Variants in ANKRD28 observed in about 807,000 individuals in gnomAD.
The protein encoded by ANKRD28 is ankyrin repeat domain 28.
Under a neutral mutation model 126.5 loss-of-function variants are expected in ANKRD28, and 44 were observed. That is an observed-to-expected ratio of 0.35 (90% CI 0.27 to 0.45). The LOEUF (loss-of-function observed/expected upper bound fraction) is 0.45. Among genes scored for constraint, ANKRD28 ranks in the 20% least tolerant of loss-of-function variants. The pLI, the probability that ANKRD28 is intolerant of heterozygous loss-of-function variation, is 1.00. For missense variants in ANKRD28, 1,110 were observed against 1,316.6 expected, an observed-to-expected ratio of 0.84 and a Z score of 2.43; for synonymous variants, 442 against 468.5, an observed-to-expected ratio of 0.94 and a Z score of 0.73.
chr3:15,712,113 A>G (rs1409137189), intron 11 of ANKRD28, 27 bp downstream of exon 11: 35 of 1,547,866 alleles, frequency 2.3e-5, no homozygotes, highest in Non-Finnish European at 3.1e-5. Context: ...GAGGAGACAT[A>G]CAAAAGGCTG....
At chr3:15,827,176 A>T (rs1362085021) in intron 1 of ANKRD28, among the ~76,000 whole-genome samples, 1 of 152,160 alleles carries the variant, frequency 6.6e-6, no homozygotes, top group Non-Finnish European at 1.5e-5. Context: ...GAGGAATGTA[A>T]ATTAGTACAG....
upstream of ANKRD28, among the ~76,000 whole-genome samples, chr3:15,802,555 C>G (rs1005265339): frequency 7.9e-5 from 12 of 152,256 alleles, no homozygotes; most frequent in Non-Finnish European, 1.5e-4. Context: ...TACAATGTGG[C>G]TACTTAAATC....
At chr3:15,688,757 GT>G (rs2068441589) in intron 18 of ANKRD28, among the ~76,000 whole-genome samples, 1 of 152,188 alleles carries the variant, frequency 6.6e-6, no homozygotes, top group East Asian at 1.9e-4. Context: ...TACGCAGTGG[GT>G]AGCAAGTCAT....
intron 26 of ANKRD28, 27 bp from the exon 27 acceptor site, chr3:15,676,016 C>T (rs750816673): frequency 6.3e-7 from 1 of 1,582,088 alleles, no homozygotes; most frequent in Non-Finnish European, 8.6e-7. Flanking sequence ...GATACATGTA[C>T]ACATATGTGC....
At chr3:15,690,532 C>G (rs1041888883) in intron 17 of ANKRD28, among the ~76,000 whole-genome samples, 1 of 152,124 alleles carries the variant, frequency 6.6e-6, no homozygotes, top group African/African-American at 2.4e-5. Context: ...CATTTAAAGT[C>G]TTGATTTCAA....
rs148041935 is a variant in ANKRD28 at position 15,817,168 on chromosome 3, C to G, written c.28-21862G>C. On this transcript the variant is annotated intron_variant, in intron 1 of 27. Transcript: ENST00000399451. This position sits in a 1 kb window ranked among gnomAD's most constrained non-coding sequence, Gnocchi z 4.5. The stretch of plus-strand genomic sequence containing the variant: ...CACTCATTTCATCAGTATGTCCACT[C>G]TACGATTTTCCTTAACATGTAACAG... 1.4e-4 allele frequency among the ~76,000 whole-genome samples: 21 copies of G among 152,298 alleles called. No individual in the cohort carries two copies. In the East Asian group the frequency reaches 3.1e-3, roughly 22 times the overall value.
Position 15,794,851 on chromosome 3 carries a change from T to C in ANKRD28, c.201+372A>G, listed in dbSNP as rs535401537. 5.3e-5 allele frequency among the ~76,000 whole-genome samples: 8 copies of C among 152,342 alleles called. No homozygotes were observed. The South Asian group carries it at 1.7e-3, about 32-fold the overall frequency. ...CACAGTTAAGTATTTAATGGTGAAG[T>C]ATCATGATTTCTGCAACTTACTACA... is the stretch of plus-strand genomic sequence containing the variant. On this transcript the variant is annotated intron_variant, in intron 2 of 27. Transcript: ENST00000683139.
At chr3:15,720,264 C>T (rs2073564138) in intron 8 of ANKRD28, among the ~76,000 whole-genome samples, 1 of 152,052 alleles carries the variant, frequency 6.6e-6, no homozygotes, top group Admixed American at 6.6e-5. Context: ...AACACACTGA[C>T]AGTTTTTTTT....
At chr3:15,820,316 T>C (rs1306667294) in intron 1 of ANKRD28, among the ~76,000 whole-genome samples, 2 of 152,208 alleles carry the variant, frequency 1.3e-5, no homozygotes, top group Non-Finnish European at 2.9e-5. Flanking sequence ...AATTGCTTTA[T>C]TATACCTGAC....
At chr3:15,792,805 A>T (rs1165565183) in intron 2 of ANKRD28, among the ~76,000 whole-genome samples, 1 of 152,142 alleles carries the variant, frequency 6.6e-6, no homozygotes, top group African/African-American at 2.4e-5. Context: ...CTGTACCAAA[A>T]CATCCCATGT....
chr3:15,748,080 G>A (rs1171759815), intron 4 of ANKRD28, among the ~76,000 whole-genome samples: 2 of 152,144 alleles, frequency 1.3e-5, no homozygotes, highest in African/African-American at 4.8e-5. Context: ...GTTTCTGTGA[G>A]TCCTTACTCT....
At chr3:15,850,224 T>TATATATATATATAGAGAGAGAG (rs1418223588) in intron 1 of ANKRD28, among the ~76,000 whole-genome samples, 22 of 35,092 alleles carry the variant, frequency 6.3e-4, no homozygotes, top group Non-Finnish European at 1.3e-3. Context: ...TATATATATA[T>TATATATATATATAGAGAGAGAG]AGAGAGAGAG....
chr3:15,756,083 T>C (rs1055355719), intron 3 of ANKRD28, among the ~76,000 whole-genome samples: 3 of 152,236 alleles, frequency 2.0e-5, no homozygotes, highest in African/African-American at 7.2e-5. Flanking sequence ...AGTCTTTTCT[T>C]GTCCCCCACA....
Position 15,689,528 on chromosome 3 carries a change from G to A in ANKRD28, c.1963+491C>T, listed in dbSNP as rs182004008. On this transcript the variant is annotated intron_variant, in intron 18 of 27. Transcript: ENST00000683139. Reference sequence around the variant, plus strand: ...CACAGGAGGAAGGGAGCTACTTGGGGGCACTTACATCTTTTGTGCAGAGGA... The same window carrying A: ...CACAGGAGGAAGGGAGCTACTTGGGAGCACTTACATCTTTTGTGCAGAGGA... Among the ~76,000 whole-genome samples the A allele has an allele frequency of 9.8e-5, 15 of 152,322 alleles. No homozygotes were observed. In the East Asian group the frequency reaches 2.1e-3, roughly 22 times the overall value.
Position 15,838,646 on chromosome 3 carries a change from G to A in ANKRD28, c.27+20731C>T, listed in dbSNP as rs1222842048. The stretch of plus-strand genomic sequence containing the variant: ...GCCTGTAATCCCAGCTACTTGGGAG[G>A]CTGAGGCAGGAGAACTACTTGAACC... On this transcript the variant is annotated intron_variant, in intron 1 of 27. Transcript: ENST00000399451. This position sits in a 1 kb window ranked among gnomAD's most constrained non-coding sequence, Gnocchi z 4.0. Among the ~76,000 whole-genome samples the A allele has an allele frequency of 6.6e-6, 1 of 152,034 alleles. No homozygotes were observed. The highest frequency in any genetic ancestry group is 1.5e-5 in the Non-Finnish European group (1 of 68,022).
chr3:15,749,371 C>A (rs2057720471), intron 4 of ANKRD28, among the ~76,000 whole-genome samples: 1 of 151,992 alleles, frequency 6.6e-6, no homozygotes, highest in South Asian at 2.1e-4. Flanking sequence ...CTCGGCCTCC[C>A]AAAGTGCTGG....
intron 1 of ANKRD28, among the ~76,000 whole-genome samples, chr3:15,803,142 A>T (rs536814120): frequency 2.6e-5 from 4 of 152,320 alleles, no homozygotes; most frequent in Admixed American, 6.5e-5. Context: ...ACTCATTAAA[A>T]ATTTTTAATT....
rs1426580220 is a variant in ANKRD28 at position 15,735,406 on chromosome 3, A to G, written c.640+4T>C. 1 of 1,547,064 alleles carries G rather than the reference A, an allele frequency of 6.5e-7. No homozygotes were observed. Among genetic ancestry groups the G allele is most frequent in the Non-Finnish European group, 8.7e-7 (1 of 1,144,014 alleles). ...ATCAAAAACTAAATTTAAAAAGTAC[A>G]TACCCATATATGCTGCCCAATGGAT... On this transcript the variant is annotated splice_donor_region_variant and intron_variant, in intron 6 of 27. Coordinates refer to ENST00000683139, the MANE Select transcript of ANKRD28 (RefSeq NM_001349278.2).
intron 1 of ANKRD28, among the ~76,000 whole-genome samples, chr3:15,818,179 C>T (rs1042753784): frequency 2.0e-5 from 3 of 152,254 alleles, no homozygotes; most frequent in East Asian, 1.9e-4. Flanking sequence ...CCTCACTCCA[C>T]GGAAGCCCAA....
Sources: allele counts gnomAD v4.1 joint callset (sites outside exome capture counted in the v4.1 genomes callset), GRCh38; gene constraint gnomAD v4.1.1; non-coding constraint Gnocchi (gnomAD v3.1); transcripts MANE v1.5; gene names NCBI Gene and HGNC (gene_info 2026-07-23, HGNC 2026-07-21).